The following SYT1 variants were observed in gnomAD, a reference collection of about 807,000 sequenced individuals.
SYT1 encodes synaptotagmin 1, also known as synaptotagmin-1.
In SYT1, 8 loss-of-function variants were observed where a neutral mutation model predicts 44.8. The observed-to-expected ratio is 0.18, with a 90% confidence interval of 0.10 to 0.32. The LOEUF is 0.32. Ranked by LOEUF, SYT1 falls within the 10% of genes least tolerant of loss-of-function variation. SYT1 has a pLI of 1.00. For missense variants in SYT1, 286 were observed against 509.3 expected (o/e 0.56, Z 4.22); for synonymous variants, 154 against 188.8 (o/e 0.82, Z 1.51).
intron 4 of SYT1, among the ~76,000 whole-genome samples, chr12:79,252,560 T>A (rs534592160): frequency 2.0e-5 from 3 of 152,228 alleles, no homozygotes; most frequent in African/African-American, 7.2e-5. Context: ...GGATAAGCAT[T>A]TGATTGTTGA....
rs182205071 is a variant in SYT1, at chr12:79,069,245, G to A, written c.-18+21883G>A. Among the ~76,000 whole-genome samples the A allele has an allele frequency of 1.1e-4, 17 of 152,254 alleles. No individual in the cohort carries two copies. In the East Asian group the frequency reaches 3.1e-3, roughly 28 times the overall value. On this transcript the variant is annotated intron_variant, in intron 3 of 10. Coordinates refer to ENST00000261205, the MANE Select transcript of SYT1 (RefSeq NM_005639.3). ...AATATTTCTGGTAAGGATTTCACAAGAGTGTAAACCACAGCAGCTAAAAAC... is the reference window on the plus strand; with the variant it reads ...AATATTTCTGGTAAGGATTTCACAAAAGTGTAAACCACAGCAGCTAAAAAC...
chr12:79,340,701 A>G (rs1478929118), intron 8 of SYT1, among the ~76,000 whole-genome samples: 1 of 152,162 alleles, frequency 6.6e-6, no homozygotes, highest in Admixed American at 6.5e-5. Context: ...CTACAATTTC[A>G]TACCATGATG....
At chr12:79,217,283 T>G (rs182222558) in intron 3 of SYT1, among the ~76,000 whole-genome samples, 1 of 152,194 alleles carries the variant, frequency 6.6e-6, no homozygotes, top group South Asian at 2.1e-4. Context: ...AGAATGCTAT[T>G]CAGTAACTAT....
chr12:79,260,548 C>A (rs1179557122), intron 4 of SYT1, among the ~76,000 whole-genome samples: 1 of 152,140 alleles, frequency 6.6e-6, no homozygotes, highest in Non-Finnish European at 1.5e-5. Context: ...CACTGTCTTT[C>A]TGAACTAAGA....
chr12:79,076,844 C>T (rs1876691577), intron 3 of SYT1, among the ~76,000 whole-genome samples: 1 of 152,174 alleles, frequency 6.6e-6, no homozygotes, highest in Non-Finnish European at 1.5e-5. Context: ...TGGCACGCAT[C>T]TATAGTCCCA....
intron 3 of SYT1, among the ~76,000 whole-genome samples, chr12:79,162,407 T>A (rs1402855451): frequency 6.6e-6 from 1 of 152,178 alleles, no homozygotes. Flanking sequence ...CGAAATTTAA[T>A]ATTTCCAATT....
At chr12:78,931,242 G>GAAAGAAGGAAA (rs1565723511) in intron 1 of SYT1, among the ~76,000 whole-genome samples, 1 of 22,444 alleles carries the variant, frequency 4.5e-5, no homozygotes, top group Admixed American at 5.2e-4. Flanking sequence ...AAAGAAAGAA[G>GAAAGAAGGAAA]GAAGGAAGGA....
At chr12:79,124,599 T>C (rs570522109) in intron 3 of SYT1, among the ~76,000 whole-genome samples, 1 of 152,076 alleles carries the variant, frequency 6.6e-6, no homozygotes, top group South Asian at 2.1e-4. Context: ...ATCATCATCA[T>C]CACCATTATC....
chr12:78,920,121 G>A (rs1222127351), intron 1 of SYT1, among the ~76,000 whole-genome samples: 1 of 151,836 alleles, frequency 6.6e-6, no homozygotes, highest in Non-Finnish European at 1.5e-5. Flanking sequence ...TAAATTTTCA[G>A]TTATGAGTGA....
At chr12:79,245,077 T>C (rs1330385923) in intron 4 of SYT1, among the ~76,000 whole-genome samples, 2 of 152,146 alleles carry the variant, frequency 1.3e-5, no homozygotes, top group African/African-American at 4.8e-5. Flanking sequence ...TACCTCTGTG[T>C]AGAAGCAAGC....
chr12:78,889,442 T>A (rs1184662331), intron 1 of SYT1, among the ~76,000 whole-genome samples: 1 of 151,942 alleles, frequency 6.6e-6, no homozygotes, highest in East Asian at 1.9e-4. Context: ...AGTATAAAAA[T>A]AAAGGTGAAA....
At chr12:79,429,832 A>T (rs1399230750) in intron 9 of SYT1, among the ~76,000 whole-genome samples, 1 of 152,208 alleles carries the variant, frequency 6.6e-6, no homozygotes, top group African/African-American at 2.4e-5. Context: ...TGTAGTGTTA[A>T]TCTGGGCAAG....
At chr12:79,198,323 A>G (rs533709251) in intron 3 of SYT1, among the ~76,000 whole-genome samples, 66 of 152,280 alleles carry the variant, frequency 4.3e-4, no homozygotes, top group African/African-American at 1.5e-3. Context: ...GAAGTAACCC[A>G]TAACAACCAC....
At chr12:79,323,455 A>G (rs1465111835) in intron 8 of SYT1, among the ~76,000 whole-genome samples, 1 of 152,224 alleles carries the variant, frequency 6.6e-6, no homozygotes, top group Non-Finnish European at 1.5e-5. Context: ...CTTTCCTATC[A>G]GGTACCTTGT....
At chr12:79,036,535 G>GCTAA (rs1239889409) in intron 2 of SYT1, 3 of 151,774 alleles carry the variant, frequency 2.0e-5, no homozygotes, top group African/African-American at 4.8e-5. Flanking sequence ...ACTTGGGGAT[G>GCTAA]CTAAACGTGG....
chr12:79,320,875 C>T (rs1188708025), intron 8 of SYT1, among the ~76,000 whole-genome samples: 1 of 151,904 alleles, frequency 6.6e-6, no homozygotes, highest in East Asian at 1.9e-4. Flanking sequence ...CCCAACTCGG[C>T]CTCCCAAAGT....
At chr12:78,925,276 G>C (rs1462581406) in intron 1 of SYT1, among the ~76,000 whole-genome samples, 1 of 151,772 alleles carries the variant, frequency 6.6e-6, no homozygotes, top group Non-Finnish European at 1.5e-5. Flanking sequence ...GCTCACCTTA[G>C]AATATATAGA....
At chr12:79,213,630 T>C (rs1384816746) in intron 3 of SYT1, among the ~76,000 whole-genome samples, 1 of 152,172 alleles carries the variant, frequency 6.6e-6, no homozygotes, top group Non-Finnish European at 1.5e-5. Context: ...TAAAAGAATA[T>C]AAAGTCATCA....
At chr12:79,371,280 C>T (rs1883778278) in intron 9 of SYT1, among the ~76,000 whole-genome samples, 2 of 152,188 alleles carry the variant, frequency 1.3e-5, no homozygotes, top group African/African-American at 2.4e-5. Flanking sequence ...GCTTCCCCCA[C>T]CTAGACAGTG....
Sources: allele counts gnomAD v4.1 joint callset (sites outside exome capture counted in the v4.1 genomes callset), GRCh38; gene constraint gnomAD v4.1.1; transcripts MANE v1.5; gene names NCBI Gene and HGNC (gene_info 2026-07-23, HGNC 2026-07-21).